Variants in COL18A1 observed in about 807,000 individuals in gnomAD.
COL18A1 encodes collagen type XVIII alpha 1 chain.
Under a neutral mutation model 168.0 loss-of-function variants are expected in COL18A1, and 133 were observed. The observed-to-expected ratio is 0.79, with a 90% CI of 0.69 to 0.91. The LOEUF (loss-of-function observed/expected upper bound fraction) is 0.91, where lower values mean the gene tolerates loss of function less well. COL18A1 is among the 40% of genes least tolerant of loss of function. The probability of loss-of-function intolerance (pLI) is 0.00; values close to 1 mark genes in which losing one functional copy is unlikely to be tolerated. For missense variants in COL18A1, 2,126 were observed against 1,925.4 expected (o/e 1.10, Z -1.95); for synonymous variants, 949 against 809.0 (o/e 1.17, Z -2.94).
intron 2 of COL18A1, among the ~76,000 whole-genome samples, chr21:45,444,834 G>A (rs1569292963): frequency 6.6e-6 from 1 of 152,040 alleles, no homozygotes; most frequent in South Asian, 2.1e-4. Context: ...GAAAGCACAG[G>A]AATTTATAAG....
chr21:45,493,103 G>A, intron 24 of COL18A1, 60 bp from the exon 25 acceptor site: 1 of 1,490,394 alleles, frequency 6.7e-7, no homozygotes, highest in Non-Finnish European at 9.1e-7. Context: ...AGATGGAGCA[G>A]CCGTCGGGGA....
At chr21:45,411,776 G>T (rs2033302724) in intron 2 of COL18A1, among the ~76,000 whole-genome samples, 1 of 114,134 alleles carries the variant, frequency 8.8e-6, no homozygotes, top group Non-Finnish European at 1.8e-5. Flanking sequence ...TGGGGGGGGG[G>T]CAGGCTGTGG....
At chr21:45,507,716 C>G (rs2037307280) in intron 38 of COL18A1, 123 bp downstream of exon 38, 11 of 912,186 alleles carry the variant, frequency 1.2e-5, no homozygotes, top group Non-Finnish European at 1.8e-5. Flanking sequence ...TGTGGCTCAC[C>G]ATCAGCCCCT....
chr21:45,475,972 G>C lies in COL18A1; in HGVS notation c.799-379G>C, dbSNP rs111748568. On this transcript the variant is annotated intron_variant, in intron 5 of 41. Coordinates refer to ENST00000651438, the MANE Select transcript of COL18A1 (RefSeq NM_001379500.1). ...GGCCACCTGAGAAAACACAGGAGGG[G>C]CGGGGAGTGGGGAGGCCCCAGCCGC... 1.7e-3 allele frequency among the ~76,000 whole-genome samples: 261 copies of C among 152,368 alleles called. 1 individual carries two copies. Among genetic ancestry groups the C allele is most frequent in the African/African-American group, 5.6e-3 (234 of 41,596 alleles).
At chr21:45,452,752 TTG>T (rs1393302643) in intron 2 of COL18A1, among the ~76,000 whole-genome samples, 2 of 151,186 alleles carry the variant, frequency 1.3e-5, no homozygotes, top group Admixed American at 6.6e-5. Context: ...GTACGTGTGA[TTG>T]TGTATGCATG....
At chr21:45,494,976 C>T in intron 28 of COL18A1, 61 bp downstream of exon 28, 1 of 1,457,630 alleles carries the variant, frequency 6.9e-7, no homozygotes, top group East Asian at 2.4e-5. Flanking sequence ...GGGAGCAGCC[C>T]AGGCCCACGG....
intron 17 of COL18A1, among the ~76,000 whole-genome samples, chr21:45,487,897 ACTTT>A (rs1430604792): frequency 6.6e-6 from 1 of 152,180 alleles, no homozygotes; most frequent in Non-Finnish European, 1.5e-5. Flanking sequence ...TGAAATCTCC[ACTTT>A]CTTCTACTGT....
In COL18A1 at chr21:45,512,452, C is replaced by A; in HGVS notation, c.*54C>A. On this transcript the variant is annotated 3_prime_UTR_variant, in exon 42 of 42. Coordinates refer to ENST00000651438, the MANE Select transcript of COL18A1 (RefSeq NM_001379500.1). ...GGACCGGCGGCTCGGAGGAAGCCCCCACCGTGGGCAGGGAGCGGCCGGCCA... is the reference window on the plus strand; with the variant it reads ...GGACCGGCGGCTCGGAGGAAGCCCCAACCGTGGGCAGGGAGCGGCCGGCCA... 1.9e-6 allele frequency: 3 copies of A among 1,562,358 alleles called. No individual in the cohort carries two copies. Among genetic ancestry groups the A allele is most frequent in the Non-Finnish European group, 2.6e-6 (3 of 1,150,062 alleles).
intron 2 of COL18A1, among the ~76,000 whole-genome samples, chr21:45,428,273 G>T (rs2033863922): frequency 6.6e-6 from 1 of 152,140 alleles, no homozygotes; most frequent in African/African-American, 2.4e-5. Flanking sequence ...GACTGGCTGA[G>T]CCCGCTCTGA....
Position 45,425,260 on chromosome 21 carries a change from G to A in COL18A1, c.106+19787G>A, listed in dbSNP as rs374459030. On this transcript the variant is annotated intron_variant, in intron 2 of 41. Transcript: ENST00000651438. This position sits in a 1 kb window ranked among gnomAD's most constrained non-coding sequence, Gnocchi z 4.1. ...CGCGTCCGCCCGTCTCCCCGGACAC[G>A]CCTGTTGGAGCCCCGGCCGTGTGTG... Among the ~76,000 whole-genome samples, 3 of 152,092 alleles carry A rather than the reference G, an allele frequency of 2.0e-5. No individual in the cohort carries two copies. The highest frequency in any genetic ancestry group is 6.6e-5 in the Admixed American group (1 of 15,264).
intron 29 of COL18A1, chr21:45,495,648 A>G: frequency 1.8e-6 from 1 of 568,206 alleles, no homozygotes. Context: ...ATATGGCCGT[A>G]CTCATACATG....
intron 5 of COL18A1, 102 bp from the exon 6 acceptor site, chr21:45,476,249 T>C: frequency 6.5e-7 from 1 of 1,542,020 alleles, no homozygotes. Flanking sequence ...GATTTTTCTT[T>C]ATCTTTCTTG....
At chr21:45,481,778 C>T (rs1454299621) in intron 13 of COL18A1, among the ~76,000 whole-genome samples, 185 bp from the exon 14 acceptor site, 1 of 152,238 alleles carries the variant, frequency 6.6e-6, no homozygotes, top group Non-Finnish European at 1.5e-5. Flanking sequence ...CCAATGTGGC[C>T]GCGAAACTGC....
intron 2 of COL18A1, among the ~76,000 whole-genome samples, chr21:45,438,678 C>T (rs966924610): frequency 7.2e-5 from 11 of 152,338 alleles, no homozygotes; most frequent in Admixed American, 7.2e-4. Flanking sequence ...GGCTGTTCAA[C>T]TCTGACGGGA....
intron 31 of COL18A1, 117 bp downstream of exon 31, chr21:45,497,209 A>T: frequency 1.3e-6 from 1 of 767,434 alleles, no homozygotes; most frequent in Non-Finnish European, 2.3e-6. Context: ...GGCCAGTGCT[A>T]CACGCCCAGC....
chr21:45,501,441 GC>G (rs1319178280), intron 32 of COL18A1, among the ~76,000 whole-genome samples: 1 of 151,874 alleles, frequency 6.6e-6, no homozygotes, highest in Non-Finnish European at 1.5e-5. Flanking sequence ...AGCAGGCCTG[GC>G]TTCCAGGAAC....
chr21:45,450,599 C>G (rs1054865278), intron 2 of COL18A1, among the ~76,000 whole-genome samples: 3 of 152,196 alleles, frequency 2.0e-5, no homozygotes, highest in Non-Finnish European at 4.4e-5. Context: ...GAATTTAAAC[C>G]AGACAGGCCA....
intron 32 of COL18A1, among the ~76,000 whole-genome samples, chr21:45,502,008 G>A (rs1289269422): frequency 1.3e-5 from 1 of 76,822 alleles, no homozygotes; most frequent in Non-Finnish European, 2.5e-5. Context: ...CTCCACAGCC[G>A]GTCACCTCCC....
chr21:45,456,782 G>T, intron 2 of COL18A1: 1 of 1,541,444 alleles, frequency 6.5e-7, no homozygotes. Context: ...CCTGCAGGAT[G>T]CGTGTTGGAG....
Sources: allele counts gnomAD v4.1 joint callset (sites outside exome capture counted in the v4.1 genomes callset), GRCh38; gene constraint gnomAD v4.1.1; non-coding constraint Gnocchi (gnomAD v3.1); transcripts MANE v1.5; gene names NCBI Gene and HGNC (gene_info 2026-07-23, HGNC 2026-07-21).